PTPRD: variants seen among roughly 807,000 people sequenced by gnomAD.
PTPRD encodes receptor-type tyrosine-protein phosphatase delta.
Under a neutral mutation model 214.5 loss-of-function variants are expected in PTPRD, and 34 were observed. That is an observed-to-expected ratio of 0.16 (90% CI 0.12 to 0.21). The LOEUF is 0.21. PTPRD is among the 10% of genes least tolerant of loss of function. The probability of loss-of-function intolerance (pLI) is 1.00; values close to 1 mark genes in which losing one functional copy is unlikely to be tolerated. For synonymous variants in PTPRD, 1,128 were observed against 845.7 expected (o/e 1.33, Z -5.79); for missense variants, 2,545 against 2,398.7 (o/e 1.06, Z -1.27).
At chr9:8,751,791 C>G (rs553952842) in intron 11 of PTPRD, among the ~76,000 whole-genome samples, 2 of 152,316 alleles carry the variant, frequency 1.3e-5, no homozygotes, top group African/African-American at 2.4e-5. Context: ...AGATTTGAGA[C>G]TACCAGTATT....
intron 4 of PTPRD, among the ~76,000 whole-genome samples, chr9:9,983,794 C>A (rs552122471): frequency 6.0e-4 from 91 of 152,276 alleles, no homozygotes; most frequent in African/African-American, 2.1e-3. Flanking sequence ...TTAATTGATG[C>A]CTAATTGAGC....
chr9:8,768,091 T>G lies in PTPRD; in HGVS notation c.-103-34145A>C, dbSNP rs187138483. Among the ~76,000 whole-genome samples, 1,062 of 152,302 alleles carry G rather than the reference T, an allele frequency of 7.0e-3. 12 individuals are homozygous for G. Among genetic ancestry groups the G allele is most frequent in the African/African-American group, 0.025 (1,019 of 41,560 alleles). ...ACAGTTGTTACTATTTGGCCTGAAT[T>G]TGCGTCTTTAAAAGATATTAAGTGT... On this transcript the variant is annotated intron_variant, in intron 11 of 45. Transcript: ENST00000381196.
intron 11 of PTPRD, among the ~76,000 whole-genome samples, chr9:8,799,416 G>C (rs1274962864): frequency 6.6e-6 from 1 of 152,212 alleles, no homozygotes; most frequent in Non-Finnish European, 1.5e-5. Flanking sequence ...CCTGCTGGAA[G>C]AGACCTGGAA....
At chr9:9,746,022 G>T (rs1473832886) in intron 6 of PTPRD, among the ~76,000 whole-genome samples, 1 of 152,078 alleles carries the variant, frequency 6.6e-6, no homozygotes, top group Non-Finnish European at 1.5e-5. Flanking sequence ...AATGAAATAA[G>T]ATTTTATATG....
intron 4 of PTPRD, among the ~76,000 whole-genome samples, chr9:9,942,628 G>C (rs79135932): frequency 2.0e-5 from 3 of 151,668 alleles, no homozygotes; most frequent in Non-Finnish European, 4.4e-5. Context: ...AAGATTGCTT[G>C]GGTGGGCCGA....
chr9:8,474,829 C>G lies in PTPRD; in HGVS notation c.3414-3744G>C, dbSNP rs142890729. 8.3e-3 allele frequency among the ~76,000 whole-genome samples: 1,262 copies of G among 152,176 alleles called. 9 individuals are homozygous for G. The highest frequency in any genetic ancestry group is 0.014 in the Middle Eastern group (4 of 294). ...GATCTGTAAACAAACCACACATTTT[C>G]TTTTGGTAAAGTAGAAGGGCTGGCC... On this transcript the variant is annotated intron_variant, in intron 30 of 45. Coordinates refer to ENST00000381196, the MANE Select transcript of PTPRD (RefSeq NM_002839.4).
rs59910983 is a variant in PTPRD at position 10,115,839 on chromosome 9, A to G, written c.-544-82049T>C. Among the ~76,000 whole-genome samples, 1,026 of 152,232 alleles carry G rather than the reference A, an allele frequency of 6.7e-3. 13 individuals carry two copies. Among genetic ancestry groups the G allele is most frequent in the African/African-American group, 0.022 (926 of 41,568 alleles). On this transcript the variant is annotated intron_variant, in intron 3 of 45. Coordinates refer to ENST00000381196, the MANE Select transcript of PTPRD (RefSeq NM_002839.4). ...AATATAGGACAATAAATCTATATCA[A>G]AAACGGGGTACTAAAATATGTATGT...
intron 2 of PTPRD, among the ~76,000 whole-genome samples, chr9:10,424,891 G>A (rs1396531336): frequency 6.6e-6 from 1 of 151,910 alleles, no homozygotes; most frequent in Non-Finnish European, 1.5e-5. Flanking sequence ...TTACCATAAT[G>A]TAAATGATTA....
intron 8 of PTPRD, among the ~76,000 whole-genome samples, chr9:9,546,778 C>G (rs895362107): frequency 3.3e-5 from 5 of 151,542 alleles, no homozygotes; most frequent in African/African-American, 1.2e-4. Context: ...GTTATTTAAT[C>G]TATAATGAAA....
intron 3 of PTPRD, among the ~76,000 whole-genome samples, chr9:10,044,229 T>C (rs2097349183): frequency 6.6e-6 from 1 of 151,836 alleles, no homozygotes; most frequent in Admixed American, 6.6e-5. Flanking sequence ...GAATAAGGTC[T>C]ATGAGTTTTT....
At chr9:9,664,962 T>A (rs1476357891) in intron 7 of PTPRD, among the ~76,000 whole-genome samples, 1 of 151,744 alleles carries the variant, frequency 6.6e-6, no homozygotes, top group Non-Finnish European at 1.5e-5. Context: ...TTTCATTGAA[T>A]GAAAACTTTT....
intron 8 of PTPRD, among the ~76,000 whole-genome samples, chr9:9,445,643 G>C (rs186411635): frequency 2.1e-3 from 316 of 152,188 alleles, no homozygotes; most frequent in African/African-American, 7.3e-3. Context: ...CAAATCATCA[G>C]ATCTCATGAG....
chr9:9,754,158 G>C (rs1433372878), intron 6 of PTPRD, among the ~76,000 whole-genome samples: 3 of 152,072 alleles, frequency 2.0e-5, no homozygotes, highest in Non-Finnish European at 2.9e-5. Context: ...ATGGAAATGT[G>C]TTCTGTGAAA....
chr9:10,453,305 T>C (rs74716613), intron 2 of PTPRD, among the ~76,000 whole-genome samples: 3 of 151,636 alleles, frequency 2.0e-5, no homozygotes, highest in Non-Finnish European at 4.4e-5. Flanking sequence ...TCATGAGATT[T>C]TGTGGTTCCA....
intron 2 of PTPRD, among the ~76,000 whole-genome samples, chr9:10,539,509 T>A (rs766959507): frequency 4.6e-5 from 7 of 152,200 alleles, no homozygotes; most frequent in Non-Finnish European, 1.0e-4. Context: ...ATAGAAAGTC[T>A]AACTCCATGT....
At chr9:9,323,506 T>C (rs1311447770) in intron 9 of PTPRD, among the ~76,000 whole-genome samples, 1 of 152,160 alleles carries the variant, frequency 6.6e-6, no homozygotes, top group Non-Finnish European at 1.5e-5. Context: ...AGTGCTTCCA[T>C]TTTTAATAGT....
At chr9:8,490,523 G>GTA (rs1475535237) in intron 27 of PTPRD, among the ~76,000 whole-genome samples, 1 of 152,070 alleles carries the variant, frequency 6.6e-6, no homozygotes, top group African/African-American at 2.4e-5. Context: ...CTTAAACATA[G>GTA]CTGTTCAATA....
At chr9:10,414,938 G>A (rs2098472840) in intron 2 of PTPRD, among the ~76,000 whole-genome samples, 1 of 151,620 alleles carries the variant, frequency 6.6e-6, no homozygotes. Context: ...GAGGGTGAAG[G>A]ATGGGAAGAA....
At chr9:9,911,545 G>A (rs2079190896) in intron 5 of PTPRD, among the ~76,000 whole-genome samples, 1 of 150,002 alleles carries the variant, frequency 6.7e-6, no homozygotes, top group Non-Finnish European at 1.5e-5. Context: ...AAAATGCAGT[G>A]TAAAATTTAT....
Sources: allele counts gnomAD v4.1 joint callset (sites outside exome capture counted in the v4.1 genomes callset), GRCh38; gene constraint gnomAD v4.1.1; transcripts MANE v1.5; gene names NCBI Gene and HGNC (gene_info 2026-07-23, HGNC 2026-07-21).